Variants in FGD5 observed in about 807,000 individuals in gnomAD.
FGD5 encodes the protein FYVE, RhoGEF and PH domain containing 5.
FGD5 carries 28 observed loss-of-function variants against 133.4 expected under a neutral mutation model. The ratio of observed to expected loss-of-function variants is 0.21; its 90% CI spans 0.16 to 0.29. FGD5 has a LOEUF of 0.29. FGD5 is among the 10% of genes least tolerant of loss of function. The probability of loss-of-function intolerance (pLI) is 1.00; values close to 1 mark genes in which losing one functional copy is unlikely to be tolerated. For synonymous variants in FGD5, 810 were observed against 776.5 expected (o/e 1.04, Z -0.72); for missense variants, 1,858 against 1,895.2 (o/e 0.98, Z 0.36).
chr3:14,898,461 T>C (rs1488120253), intron 6 of FGD5, among the ~76,000 whole-genome samples: 1 of 152,124 alleles, frequency 6.6e-6, no homozygotes, highest in Non-Finnish European at 1.5e-5. Context: ...AGGGGGAGCT[T>C]TCCTCCATTG....
In FGD5 at chr3:14,922,519, C is replaced by T. The variant is rs779746404; in HGVS notation, c.3778C>T (p.Arg1260Trp). ...NCGCDFSLTL[R>W]RHHCHACGKI... is the part of the protein sequence containing the mutation. ...CGGCTGCGACTTCTCCCTCACCCTG[C>T]GGCGTCATCACTGTCACGCCTGTGG... The change falls in exon 15 of 20, where the codon CGG becomes TGG. Residue 1260 changes from arginine (R) to tryptophan (W), a missense_variant. Around this residue, in one of 3 missense-constraint regions of FGD5, gnomAD observed 1,824 missense variants for 1,848.9 expected, o/e 0.99. Coordinates refer to ENST00000285046, the MANE Select transcript of FGD5 (RefSeq NM_152536.4). This position sits in a 1 kb window ranked among gnomAD's most constrained non-coding sequence, Gnocchi z 4.1. The T allele has an allele frequency of 1.6e-5, 26 of 1,582,326 alleles. No individual in the cohort carries two copies. Among genetic ancestry groups the T allele is most frequent in the Non-Finnish European group, 2.1e-5 (24 of 1,164,440 alleles).
intron 9 of FGD5, 97 bp downstream of exon 9, chr3:14,901,158 GCAGGCAACC>G: frequency 1.5e-6 from 2 of 1,296,176 alleles, no homozygotes; most frequent in Middle Eastern, 3.7e-4. Context: ...CCTAGGGGCT[GCAGGCAACC>G]GTCTCTCTTG....
intron 2 of FGD5, among the ~76,000 whole-genome samples, chr3:14,867,232 A>G (rs1360834179): frequency 6.6e-6 from 1 of 152,248 alleles, no homozygotes; most frequent in Non-Finnish European, 1.5e-5. Context: ...TTTTACATAT[A>G]TGATATCAAA....
At chr3:14,923,483 C>A in intron 16 of FGD5, 1 of 391,520 alleles carries the variant, frequency 2.6e-6, no homozygotes. Context: ...GTCAAGTATC[C>A]TATAGGCCTG....
intron 1 of FGD5, among the ~76,000 whole-genome samples, chr3:14,847,022 C>T (rs986834808): frequency 7.9e-5 from 12 of 152,128 alleles, no homozygotes; most frequent in African/African-American, 2.7e-4. Context: ...ATGATAATAG[C>T]CTGCTGGGAG....
intron 1 of FGD5, among the ~76,000 whole-genome samples, chr3:14,848,492 A>C (rs927024076): frequency 1.8e-4 from 27 of 152,052 alleles, no homozygotes; most frequent in African/African-American, 6.0e-4. Context: ...GGGAGAACCA[A>C]GATGCAAAAA....
intron 4 of FGD5, among the ~76,000 whole-genome samples, chr3:14,893,412 C>G (rs2038067892): frequency 6.6e-6 from 1 of 152,098 alleles, no homozygotes; most frequent in Non-Finnish European, 1.5e-5. Context: ...AGTGCAGTGA[C>G]ACGACCATAG....
At chr3:14,875,547 C>G (rs1222523149) in intron 2 of FGD5, among the ~76,000 whole-genome samples, 2 of 152,150 alleles carry the variant, frequency 1.3e-5, no homozygotes, top group Non-Finnish European at 2.9e-5. Context: ...GGGAACAGCC[C>G]TGAGCTGAGC....
At chr3:14,867,817 C>T (rs181032498) in intron 2 of FGD5, among the ~76,000 whole-genome samples, 83 of 152,310 alleles carry the variant, frequency 5.4e-4, no homozygotes, top group African/African-American at 1.8e-3. Context: ...CTAGTCACAT[C>T]GTGTGGGACG....
chr3:14,824,020 C>T (rs2036556623), intron 1 of FGD5, among the ~76,000 whole-genome samples: 1 of 152,174 alleles, frequency 6.6e-6, no homozygotes, highest in Non-Finnish European at 1.5e-5. Flanking sequence ...CAGCCTAGGG[C>T]CTTGGTTGAG....
chr3:14,858,913 C>T (rs1402514182), intron 1 of FGD5, among the ~76,000 whole-genome samples: 6 of 152,144 alleles, frequency 3.9e-5, no homozygotes, highest in Non-Finnish European at 7.4e-5. Context: ...ATACCAGGGT[C>T]GATGGGAGCA....
rs187708501 is a variant in FGD5 at position 14,874,930 on chromosome 3, C to T, written c.2659-5642C>T. 4.7e-3 allele frequency among the ~76,000 whole-genome samples: 713 copies of T among 152,316 alleles called. 4 individuals carry two copies. The highest frequency in any genetic ancestry group is 0.017 in the Middle Eastern group (5 of 294). Reference sequence around the variant, plus strand: ...GGGCCACTGTTGCGTCCCTCCTTCTCCCCTCGCTTGTCCTGGCAGGCACTC... The same window carrying T: ...GGGCCACTGTTGCGTCCCTCCTTCTTCCCTCGCTTGTCCTGGCAGGCACTC... On this transcript the variant is annotated intron_variant, in intron 2 of 19. Coordinates refer to ENST00000285046, the MANE Select transcript of FGD5 (RefSeq NM_152536.4).
intron 1 of FGD5, among the ~76,000 whole-genome samples, chr3:14,850,121 G>T (rs545037012): frequency 3.5e-4 from 53 of 152,338 alleles, no homozygotes; most frequent in African/African-American, 1.3e-3. Flanking sequence ...GGCCCTTCCT[G>T]CTTCGCCTGT....
At chr3:14,907,069 C>T (rs547384770) in intron 9 of FGD5, among the ~76,000 whole-genome samples, 35 of 152,332 alleles carry the variant, frequency 2.3e-4, no homozygotes, top group South Asian at 1.2e-3. Flanking sequence ...AACTTTAGAA[C>T]CTGCCCTGTG....
In FGD5 at chr3:14,922,360, G is replaced by T. The variant is rs2038700131; in HGVS notation, c.3670-51G>T. On this transcript the variant is annotated intron_variant, in intron 14 of 19. Coordinates refer to ENST00000285046, the MANE Select transcript of FGD5 (RefSeq NM_152536.4). This position sits in a 1 kb window ranked among gnomAD's most constrained non-coding sequence, Gnocchi z 4.1. ...CAGGGCTCACTGGGCTCTGCATCTG[G>T]CTGGTCTCCTGGCCACATTCCACAT... The T allele has an allele frequency of 3.2e-6, 5 of 1,550,818 alleles. No individual in the cohort carries two copies. The Admixed American group carries it at 5.9e-5, about 18-fold the overall frequency.
chr3:14,823,941 C>T (rs1447820792), intron 1 of FGD5, among the ~76,000 whole-genome samples: 1 of 152,226 alleles, frequency 6.6e-6, no homozygotes, highest in African/African-American at 2.4e-5. Context: ...GCTCCTGGAT[C>T]GTGACTGTTT....
intron 1 of FGD5, among the ~76,000 whole-genome samples, chr3:14,841,046 A>G (rs4684241): frequency 0.84 from 128,374 of 152,004 alleles, 54,391 homozygotes; most frequent in East Asian, 0.98. Flanking sequence ...TCCTTTCATG[A>G]TGTATTTAGA....
chr3:14,826,976 G>T (rs995132515), intron 1 of FGD5, among the ~76,000 whole-genome samples: 9 of 152,124 alleles, frequency 5.9e-5, no homozygotes, highest in Admixed American at 5.9e-4. Flanking sequence ...TAGCTGCCTC[G>T]TACACCAAAG....
At chr3:14,818,960 A>G (rs540054692), upstream of FGD5, 5 of 1,445,788 alleles carry the variant, frequency 3.5e-6, no homozygotes, top group Admixed American at 1.2e-4. Context: ...ATCTAGATTC[A>G]CCAAAACCAC....
Sources: gnomAD v4.1 joint callset for allele counts (sites outside exome capture counted in the v4.1 genomes callset) on GRCh38, gnomAD v4.1.1 for gene constraint, gnomAD v4.1.1 regional missense constraint, Gnocchi (gnomAD v3.1) non-coding constraint, MANE v1.5 for transcripts, NCBI Gene and HGNC (gene_info 2026-07-23, HGNC 2026-07-21) for gene names.